SPDEF: variants seen among roughly 807,000 people sequenced by gnomAD.
SPDEF encodes the protein SAM pointed domain-containing Ets transcription factor.
In SPDEF, 12 loss-of-function variants were observed where a neutral mutation model predicts 36.0. The ratio of observed to expected loss-of-function variants is 0.33; its 90% CI spans 0.21 to 0.54. The LOEUF is 0.54. Ranked by LOEUF, SPDEF falls within the 20% of genes least tolerant of loss-of-function variation. The probability of loss-of-function intolerance (pLI) is 0.93; values close to 1 mark genes in which losing one functional copy is unlikely to be tolerated. For missense variants in SPDEF, 388 were observed against 456.9 expected (o/e 0.85, Z 1.37); for synonymous variants, 205 against 193.0 (o/e 1.06, Z -0.51).
Position 34,539,820 on chromosome 6 carries a change from A to C in SPDEF, c.635-258T>G, listed in dbSNP as rs1767780296. 2.6e-5 allele frequency among the ~76,000 whole-genome samples: 4 copies of C among 152,186 alleles called. No individual in the cohort carries two copies. On this transcript the variant is annotated intron_variant, in intron 3 of 5. Coordinates refer to ENST00000374037, the MANE Select transcript of SPDEF (RefSeq NM_012391.3). The surrounding 1 kb of genome is among the most constrained non-coding windows in gnomAD (Gnocchi z 5.2). ...CCCCTTGTTCAGATGAGGACATCTG[A>C]CATGGGGGCTTGCCTGGGCTGGGGC...
At chr6:34,545,486 AGGC>A (rs1420642299) in intron 1 of SPDEF, among the ~76,000 whole-genome samples, 2 of 152,280 alleles carry the variant, frequency 1.3e-5, no homozygotes, top group Non-Finnish European at 2.9e-5. Context: ...GGTTTTGCCC[AGGC>A]CCTTTTCCCT....
Position 34,539,299 on chromosome 6 carries a change from G to C in SPDEF, c.780C>G (p.Leu260=). Residue 260 remains leucine (L), a synonymous_variant, in exon 5 of 6, where the codon CTC becomes CTG. Coordinates refer to ENST00000374037, the MANE Select transcript of SPDEF (RefSeq NM_012391.3). This position sits in a 1 kb window ranked among gnomAD's most constrained non-coding sequence, Gnocchi z 5.2. ...HLWQFLKELL[L]KPHSYGRFIR... is the part of the protein sequence containing the mutation. ...TGAAGCGGCCATAGCTGTGGGGCTT[G>C]AGTAGCAACTCCTTGAGGAACTGCC... 2 of 1,613,950 alleles carry C rather than the reference G, an allele frequency of 1.2e-6. No homozygotes were observed. Among genetic ancestry groups the C allele is most frequent in the Non-Finnish European group, 1.7e-6 (2 of 1,180,040 alleles).
rs200970692 is a variant in SPDEF, at chr6:34,539,300, A to T, written c.779T>A (p.Leu260His). 8.7e-6 allele frequency: 14 copies of T among 1,613,922 alleles called. No homozygotes were observed. The East Asian group carries it at 2.9e-4, about 33-fold the overall frequency. The part of the protein sequence containing the change: ...HLWQFLKELL[L>H]KPHSYGRFIR... ...GAAGCGGCCATAGCTGTGGGGCTTG[A>T]GTAGCAACTCCTTGAGGAACTGCCA... is the stretch of plus-strand genomic sequence containing the variant. Residue 260 changes from leucine to histidine, a missense_variant, in exon 5 of 6, where the codon CTC (leucine) becomes CAC (histidine). Leu to His is a moderately conservative substitution (Grantham distance 99, BLOSUM62 -3). Transcript: ENST00000374037. The surrounding 1 kb of genome is among the most constrained non-coding windows in gnomAD (Gnocchi z 5.2).
chr6:34,538,139 C>T lies in SPDEF; in HGVS notation c.*135G>A. ...ATCCCCCTGGGGCAGTTGGTTGCCC[C>T]TCCCTGACCTTGGGCTCTGGAAGGT... On this transcript the variant is annotated 3_prime_UTR_variant, in exon 6 of 6. Coordinates refer to ENST00000374037, the MANE Select transcript of SPDEF (RefSeq NM_012391.3). This position sits in a 1 kb window ranked among gnomAD's most constrained non-coding sequence, Gnocchi z 5.9. 1 of 1,011,138 alleles carries T rather than the reference C, an allele frequency of 9.9e-7. No individual in the cohort carries two copies. Among genetic ancestry groups the T allele is most frequent in the Admixed American group, 2.8e-5 (1 of 36,174 alleles). 62.6% of individuals were successfully genotyped at this position (1,011,138 alleles called of 1,614,324 possible).
At position 34,539,684 on chromosome 6, in the gene SPDEF, G is replaced by T; in HGVS notation, c.635-122C>A. On this transcript the variant is annotated intron_variant, in intron 3 of 5. Transcript: ENST00000374037. The surrounding 1 kb of genome is among the most constrained non-coding windows in gnomAD (Gnocchi z 5.2). ...TCTGTGGCTGGGGGTTGCCCCTGTG[G>T]CTCCCTGCCTCCTGCCAACCTGGGG... is the stretch of plus-strand genomic sequence containing the variant. 1 of 1,145,710 alleles carries T rather than the reference G, an allele frequency of 8.7e-7. No individual in the cohort carries two copies. Among genetic ancestry groups the T allele is most frequent in the Non-Finnish European group, 1.3e-6 (1 of 782,544 alleles). 71.0% of individuals were successfully genotyped at this position (1,145,710 alleles called of 1,614,324 possible).
Position 34,539,113 on chromosome 6 carries a change from T to C in SPDEF, c.829+137A>G. 1 of 984,256 alleles carries C rather than the reference T, an allele frequency of 1.0e-6. No individual in the cohort carries two copies. The highest frequency in any genetic ancestry group is 1.5e-6 in the Non-Finnish European group (1 of 655,076). 61.0% of individuals were successfully genotyped at this position (984,256 alleles called of 1,614,324 possible). Reference sequence around the variant, plus strand: ...CCAGGGCTGTCCCATGAGAGCTGCATATTTGGCATCTAGGACAAAGGTGGG... The same window carrying C: ...CCAGGGCTGTCCCATGAGAGCTGCACATTTGGCATCTAGGACAAAGGTGGG... On this transcript the variant is annotated intron_variant, in intron 5 of 5. Transcript: ENST00000374037. The surrounding 1 kb of genome is among the most constrained non-coding windows in gnomAD (Gnocchi z 5.2).
At position 34,539,172 on chromosome 6, in the gene SPDEF, C is replaced by T. The variant is rs1767759542; in HGVS notation, c.829+78G>A. ...TCACCCCTCTGCCCGCCCCTGCCCC[C>T]ATGCACCGTGCCTGGCAGAAGCCCC... is the stretch of plus-strand genomic sequence containing the variant. On this transcript the variant is annotated intron_variant, in intron 5 of 5. Transcript: ENST00000374037. The surrounding 1 kb of genome is among the most constrained non-coding windows in gnomAD (Gnocchi z 5.2). 1.9e-6 allele frequency: 3 copies of T among 1,543,634 alleles called. No individual in the cohort carries two copies. The highest frequency in any genetic ancestry group is 3.5e-5 in the Admixed American group (2 of 57,642).
At chr6:34,540,918 C>T in intron 3 of SPDEF, 66 bp downstream of exon 3, 2 of 1,507,764 alleles carry the variant, frequency 1.3e-6, no homozygotes, top group Non-Finnish European at 1.8e-6. Context: ...GGGCAACCTC[C>T]TAGCCAGCAT....
chr6:34,541,301 G>A (rs528994264), intron 2 of SPDEF, 120 bp from the exon 3 acceptor site: 5 of 985,172 alleles, frequency 5.1e-6, no homozygotes, highest in African/African-American at 1.6e-5. Flanking sequence ...GGATAGGTCA[G>A]CCCCAGACAG....
chr6:34,544,118 G>C lies in SPDEF; in HGVS notation c.338C>G (p.Thr113Ser). The change falls in exon 2 of 6, where the codon ACC (threonine) becomes AGC (serine). Residue 113 changes from threonine (T) to serine (S), a missense_variant. Coordinates refer to ENST00000374037, the MANE Select transcript of SPDEF (RefSeq NM_012391.3). This position sits in a 1 kb window ranked among gnomAD's most constrained non-coding sequence, Gnocchi z 4.4. ...CTGCTCCAGCGAGTGCTCCTCCAAG[G>C]TCAGCCCGCCGGGCACCAAGTCCAG... ...GSLDLVPGGL[T>S]LEEHSLEQVQ... is the part of the protein sequence containing the mutation. 6.2e-7 allele frequency: 1 copy of C among 1,613,792 alleles called. No individual in the cohort carries two copies. The highest frequency in any genetic ancestry group is 8.5e-7 in the Non-Finnish European group (1 of 1,179,924).
In SPDEF at chr6:34,538,252, T is replaced by C. The variant is rs763278164; in HGVS notation, c.*22A>G. The stretch of plus-strand genomic sequence containing the variant: ...CAGGAGAGAGGCCCCTGAGGGCGGG[T>C]TTCAGGCCCTGGGCCAGGCACTCAG... On this transcript the variant is annotated 3_prime_UTR_variant, in exon 6 of 6. Transcript: ENST00000374037. The surrounding 1 kb of genome is among the most constrained non-coding windows in gnomAD (Gnocchi z 5.9). The C allele has an allele frequency of 6.2e-7, 1 of 1,604,068 alleles. No individual in the cohort carries two copies. The highest frequency in any genetic ancestry group is 8.5e-7 in the Non-Finnish European group (1 of 1,173,446).
Position 34,539,200 on chromosome 6 carries a change from C to CA in SPDEF, c.829+49dup, listed in dbSNP as rs1196101262. On this transcript the variant is annotated intron_variant, in intron 5 of 5. Coordinates refer to ENST00000374037, the MANE Select transcript of SPDEF (RefSeq NM_012391.3). The surrounding 1 kb of genome is among the most constrained non-coding windows in gnomAD (Gnocchi z 5.2). ...GCACCGTGCCTGGCAGAAGCCCCCA[C>CA]AACCTCCATGCTCACTGGCCCTGCA... 2.5e-6 allele frequency: 4 copies of CA among 1,601,690 alleles called. No homozygotes were observed. The highest frequency in any genetic ancestry group is 3.4e-5 in the Admixed American group (2 of 59,420).
Position 34,541,069 on chromosome 6 carries a change from C to T in SPDEF, c.549G>A (p.Leu183=), listed in dbSNP as rs775432356. The T allele has an allele frequency of 9.3e-6, 15 of 1,612,314 alleles. No individual in the cohort carries two copies. The highest frequency in any genetic ancestry group is 2.2e-5 in the East Asian group (1 of 44,864). Reference sequence around the variant, plus strand: ...GGAACTGCTCCTCCGACATGGCGCACAGCTCCTTGCCCGCCAGCTCCTGGA... The same window carrying T: ...GGAACTGCTCCTCCGACATGGCGCATAGCTCCTTGCCCGCCAGCTCCTGGA... ...KAFQELAGKE[L]CAMSEEQFRQ... The change falls in exon 3 of 6, where the codon CTG becomes CTA. Residue 183 remains leucine (L), a synonymous_variant. Transcript: ENST00000374037.
Position 34,539,412 on chromosome 6 carries a change from G to T in SPDEF, c.683-16C>A, listed in dbSNP as rs764209178. 2 of 1,613,118 alleles carry T rather than the reference G, an allele frequency of 1.2e-6. No individual in the cohort carries two copies. The highest frequency in any genetic ancestry group is 1.7e-4 in the Middle Eastern group (1 of 5,968). ...CTGGTCGAGGCTGGGTGGCCAGGGA[G>T]GGTGGCGGTGAGTGGGAATGGGAGG... On this transcript the variant is annotated splice_polypyrimidine_tract_variant and intron_variant, in intron 4 of 5. Transcript: ENST00000374037. The surrounding 1 kb of genome is among the most constrained non-coding windows in gnomAD (Gnocchi z 5.2).
At position 34,544,159 on chromosome 6, in the gene SPDEF, T is replaced by C. The variant is rs1057283252; in HGVS notation, c.297A>G (p.Gln99=). 4.0e-5 allele frequency: 64 copies of C among 1,613,772 alleles called. No individual in the cohort carries two copies. The highest frequency in any genetic ancestry group is 5.2e-5 in the Non-Finnish European group (61 of 1,179,952). ...EPEQCPVIDS[Q]APAGSLDLVP... is the part of the protein sequence containing the mutation. ...CCAAGTCCAGGCTGCCCGCTGGGGC[T>C]TGGCTGTCAATGACCGGGCACTGCT... The change falls in exon 2 of 6, where the codon CAA becomes CAG. Residue 99 remains glutamine, a synonymous_variant. Coordinates refer to ENST00000374037, the MANE Select transcript of SPDEF (RefSeq NM_012391.3). The surrounding 1 kb of genome is among the most constrained non-coding windows in gnomAD (Gnocchi z 4.4).
chr6:34,555,122 G>A lies in SPDEF; in HGVS notation c.-30+807C>T, dbSNP rs1225628312. Among the ~76,000 whole-genome samples, 8 of 151,024 alleles carry A rather than the reference G, an allele frequency of 5.3e-5. No homozygotes were observed. Among genetic ancestry groups the A allele is most frequent in the Admixed American group, 2.0e-4 (3 of 15,156 alleles). On this transcript the variant is annotated intron_variant, in intron 1 of 5. Coordinates refer to ENST00000374037, the MANE Select transcript of SPDEF (RefSeq NM_012391.3). This position sits in a 1 kb window ranked among gnomAD's most constrained non-coding sequence, Gnocchi z 5.2. ...ACACACCACACACACACATACTTCC[G>A]CGCACACACACGCACGCACACACCT...
chr6:34,540,947 C>T, intron 3 of SPDEF, 37 bp downstream of exon 3: 1 of 1,585,276 alleles, frequency 6.3e-7, no homozygotes, highest in Non-Finnish European at 8.6e-7. Flanking sequence ...TGGCTTGGAG[C>T]CTGGGAGGGG....
At position 34,539,554 on chromosome 6, in the gene SPDEF, TC is replaced by T. The variant is rs1767773152; in HGVS notation, c.642del (p.Trp214Ter). 6.4e-7 allele frequency: 1 copy of T among 1,569,710 alleles called. No homozygotes were observed. The highest frequency in any genetic ancestry group is 8.6e-7 in the Non-Finnish European group (1 of 1,158,160). ...GCCCCAGGTGAAGTCCGCTCTTTCA[TC>T]CAGGCCGCTGCAGGGCAAGGAGAGG... ...AHLDIWKSAA[W>X]MKERTSPGAI... On this transcript the variant is annotated frameshift_variant, in exon 4 of 6. Transcript: ENST00000374037. LOFTEE classifies it high-confidence loss of function. This position sits in a 1 kb window ranked among gnomAD's most constrained non-coding sequence, Gnocchi z 5.2.
At chr6:34,543,477 G>T (rs540854858) in intron 2 of SPDEF, among the ~76,000 whole-genome samples, 1 of 152,302 alleles carries the variant, frequency 6.6e-6, no homozygotes, top group South Asian at 2.1e-4. Flanking sequence ...GATGTGAGCA[G>T]AAATTTTTCT....
Sources: gnomAD v4.1 joint callset for allele counts (sites outside exome capture counted in the v4.1 genomes callset) on GRCh38, gnomAD v4.1.1 for gene constraint, Gnocchi (gnomAD v3.1) non-coding constraint, MANE v1.5 for transcripts, NCBI Gene and HGNC (gene_info 2026-07-23, HGNC 2026-07-21) for gene names.